Variants in NRXN3 observed in about 807,000 individuals in gnomAD.
NRXN3 encodes neurexin 3.
Under a neutral mutation model 137.6 loss-of-function variants are expected in NRXN3, and 32 were observed. The observed-to-expected ratio is 0.23, with a 90% CI of 0.18 to 0.31. The LOEUF (loss-of-function observed/expected upper bound fraction) is 0.31, where lower values mean the gene tolerates loss of function less well. NRXN3 is among the 10% of genes least tolerant of loss of function. The pLI is 1.00. For missense variants in NRXN3, 1,574 were observed against 2,062.5 expected (o/e 0.76, Z 4.59); for synonymous variants, 798 against 784.5 (o/e 1.02, Z -0.29).
At chr14:78,849,121 C>T (rs1250221809) in intron 10 of NRXN3, among the ~76,000 whole-genome samples, 1 of 152,062 alleles carries the variant, frequency 6.6e-6, no homozygotes, top group African/African-American at 2.4e-5. Flanking sequence ...AAGCTAGAGA[C>T]AGTATAGCCT....
intron 15 of NRXN3, among the ~76,000 whole-genome samples, chr14:78,997,615 A>G (rs1236185530): frequency 6.6e-6 from 1 of 152,032 alleles, no homozygotes; most frequent in African/African-American, 2.4e-5. Flanking sequence ...CTTTTCATTT[A>G]TTTTTCTCCT....
At chr14:78,608,883 G>A (rs2097275104) in intron 4 of NRXN3, among the ~76,000 whole-genome samples, 1 of 152,166 alleles carries the variant, frequency 6.6e-6, no homozygotes, top group Non-Finnish European at 1.5e-5. Flanking sequence ...AGCTTAAACT[G>A]TGTTGGGAAG....
rs11419735 is a variant in NRXN3, at chr14:79,590,416, T to TAAAAAAAAAAAAAAAAAAAAAAA, written c.3445-73340_3445-73339insAAAAAAAAAAAAAAAAAAAAAAA. Among the ~76,000 whole-genome samples, 15 of 92,272 alleles carry TAAAAAAAAAAAAAAAAAAAAAAA rather than the reference T, an allele frequency of 1.6e-4. 1 individual carries two copies. The East Asian group carries it at 1.7e-3, about 11-fold the overall frequency. 60.5% of individuals were successfully genotyped at this position (92,272 alleles called of 152,430 possible). The stretch of plus-strand genomic sequence containing the variant: ...TCCATTAAACCTTTCTTTCTTTTGT[T>TAAAAAAAAAAAAAAAAAAAAAAA]AAAAAAAAAAAAAAAAAAAAAAGAT... On this transcript the variant is annotated intron_variant, in intron 16 of 20. Transcript: ENST00000335750.
intron 4 of NRXN3, among the ~76,000 whole-genome samples, chr14:78,511,053 A>T (rs2096095877): frequency 6.6e-6 from 1 of 152,150 alleles, no homozygotes; most frequent in Non-Finnish European, 1.5e-5. Flanking sequence ...TCCATAACCC[A>T]GTGCCTTCTT....
At chr14:78,310,465 G>A (rs1226322011) in intron 4 of NRXN3, among the ~76,000 whole-genome samples, 1 of 151,950 alleles carries the variant, frequency 6.6e-6, no homozygotes, top group Non-Finnish European at 1.5e-5. Flanking sequence ...TACACCATTT[G>A]CCTGGGGCTA....
At chr14:79,130,620 A>G (rs1015475276) in intron 15 of NRXN3, among the ~76,000 whole-genome samples, 7 of 151,702 alleles carry the variant, frequency 4.6e-5, no homozygotes, top group African/African-American at 1.7e-4. Context: ...CATTTTTTCC[A>G]TCATTTCAAC....
chr14:78,327,928 T>C (rs1032882321), intron 4 of NRXN3, among the ~76,000 whole-genome samples: 18 of 152,078 alleles, frequency 1.2e-4, no homozygotes, highest in African/African-American at 4.1e-4. Flanking sequence ...CGCTGCTTCA[T>C]GTCAGTGAGG....
intron 15 of NRXN3, among the ~76,000 whole-genome samples, chr14:79,049,223 G>A (rs1595375345): frequency 6.6e-6 from 1 of 151,772 alleles, no homozygotes; most frequent in East Asian, 1.9e-4. Flanking sequence ...ATCCTGTTAA[G>A]CCCAGCAGCT....
intron 10 of NRXN3, among the ~76,000 whole-genome samples, chr14:78,926,736 A>T (rs1597459031): frequency 1.5e-5 from 1 of 68,656 alleles, no homozygotes; most frequent in African/African-American, 7.6e-5. Flanking sequence ...TATAATATAA[A>T]ATATATATTA....
At chr14:79,278,811 C>T (rs1346045080) in intron 15 of NRXN3, among the ~76,000 whole-genome samples, 2 of 152,158 alleles carry the variant, frequency 1.3e-5, no homozygotes, top group Non-Finnish European at 2.9e-5. Flanking sequence ...TCCCATCATT[C>T]GCCCTGCGGG....
intron 19 of NRXN3, among the ~76,000 whole-genome samples, chr14:79,762,722 T>C (rs763258627): frequency 4.6e-5 from 7 of 151,648 alleles, no homozygotes; most frequent in Non-Finnish European, 1.0e-4. Context: ...TTTCGTGCGA[T>C]GCCTGTCACA....
intron 19 of NRXN3, among the ~76,000 whole-genome samples, chr14:79,779,501 T>C (rs570217581): frequency 6.6e-6 from 1 of 152,354 alleles, no homozygotes; most frequent in African/African-American, 2.4e-5. Flanking sequence ...TCCAGATCTT[T>C]GGAAGTCTCA....
chr14:78,522,055 G>C (rs2096291265), intron 4 of NRXN3, among the ~76,000 whole-genome samples: 1 of 152,088 alleles, frequency 6.6e-6, no homozygotes, highest in Admixed American at 6.5e-5. Context: ...GTTTTTCAAA[G>C]TAGAGCATTT....
intron 14 of NRXN3, among the ~76,000 whole-genome samples, chr14:78,976,919 C>G (rs2099469196): frequency 6.6e-6 from 1 of 152,292 alleles, no homozygotes; most frequent in South Asian, 2.1e-4. Flanking sequence ...TGAAGGCATA[C>G]ACTAAGGACT....
chr14:79,394,316 A>C (rs909094152), intron 15 of NRXN3, among the ~76,000 whole-genome samples: 18 of 152,224 alleles, frequency 1.2e-4, no homozygotes, highest in Admixed American at 3.9e-4. Context: ...AGAGCTTGTT[A>C]CCACCACAGT....
At chr14:79,006,360 C>T (rs2099552898) in intron 15 of NRXN3, among the ~76,000 whole-genome samples, 1 of 151,360 alleles carries the variant, frequency 6.6e-6, no homozygotes, top group Admixed American at 6.6e-5. Context: ...AAACAAAAAC[C>T]CCAAAAGCAT....
Position 78,170,543 on chromosome 14 carries a change from A to G in NRXN3, c.-835A>G, listed in dbSNP as rs1439666049. 2 of 152,276 alleles carry G rather than the reference A, an allele frequency of 1.3e-5. No individual in the cohort carries two copies. Among genetic ancestry groups the G allele is most frequent in the Non-Finnish European group, 2.9e-5 (2 of 68,078 alleles). 9.4% of individuals were successfully genotyped at this position (152,276 alleles called of 1,614,324 possible). On this transcript the variant is annotated 5_prime_UTR_variant, in exon 1 of 21. Transcript: ENST00000335750. ...TCTACCCTGCCACTCCCTCCCAGAG[A>G]GAAAGGAAAAGGAGAGAGAAAGATT...
chr14:79,759,225 A>ATGTGG, intron 19 of NRXN3, among the ~76,000 whole-genome samples: 1 of 147,992 alleles, frequency 6.8e-6, no homozygotes, highest in African/African-American at 2.7e-5. Context: ...TGGGTAGTAA[A>ATGTGG]CATACTTTTT....
intron 4 of NRXN3, among the ~76,000 whole-genome samples, chr14:78,415,583 A>C (rs2093088357): frequency 6.6e-6 from 1 of 152,114 alleles, no homozygotes; most frequent in South Asian, 2.1e-4. Context: ...CAATTGTCTA[A>C]CCCAGATTCT....
Sources: gnomAD v4.1 joint callset for allele counts (sites outside exome capture counted in the v4.1 genomes callset) on GRCh38, gnomAD v4.1.1 for gene constraint, MANE v1.5 for transcripts, NCBI Gene and HGNC (gene_info 2026-07-23, HGNC 2026-07-21) for gene names.